CD1D: variants seen among roughly 807,000 people sequenced by gnomAD.
CD1D encodes CD1d molecule.
Under a neutral mutation model 42.1 loss-of-function variants are expected in CD1D, and 40 were observed. The observed-to-expected ratio is 0.95, with a 90% CI of 0.74 to 1.24. The LOEUF (loss-of-function observed/expected upper bound fraction) is 1.24. CD1D is among the 50% of genes most tolerant of loss of function. CD1D has a pLI of 0.00. For synonymous variants in CD1D, 178 were observed against 171.8 expected (o/e 1.04, Z -0.28); for missense variants, 437 against 416.5 (o/e 1.05, Z -0.43).
At position 158,181,129 on chromosome 1, in the gene CD1D, T is replaced by TG; in HGVS notation, c.31dup (p.Ala11GlyfsTer10). The TG allele has an allele frequency of 6.5e-7, 1 of 1,548,998 alleles. No individual in the cohort carries two copies. The highest frequency in any genetic ancestry group is 8.7e-7 in the Non-Finnish European group (1 of 1,146,570). On this transcript the variant is annotated frameshift_variant, in exon 1 of 6. Coordinates refer to ENST00000674085, the MANE Select transcript of CD1D (RefSeq NM_001371762.2). LOFTEE classifies it high-confidence loss of function. ...GGGGTGCCTGCTGTTTCTGCTGCTC[T>TG]GGGCGCTCCTCCAGGCTTGGGGAAG... is the stretch of plus-strand genomic sequence containing the variant.
In CD1D at chr1:158,181,137, C is replaced by T. The variant is rs775704462; in HGVS notation, c.36C>T (p.Leu12=). 4.1e-5 allele frequency: 63 copies of T among 1,549,074 alleles called. No homozygotes were observed. Among genetic ancestry groups the T allele is most frequent in the Admixed American group, 9.8e-5 (5 of 50,846 alleles). Residue 12 remains leucine (L), a synonymous_variant, in exon 1 of 6, where the codon CTC becomes CTT. Transcript: ENST00000674085. The part of the protein sequence containing the change: ...GCLLFLLLWA[L]LQAWGSAEVP... ...TGCTGTTTCTGCTGCTCTGGGCGCTCCTCCAGGCTTGGGGAAGCGCTGAAG... is the reference window on the plus strand; with the variant it reads ...TGCTGTTTCTGCTGCTCTGGGCGCTTCTCCAGGCTTGGGGAAGCGCTGAAG...
chr1:158,185,344 C>T lies in CD1D; in HGVS notation c.*1194C>T, dbSNP rs1229217517. 1.3e-5 allele frequency among the ~76,000 whole-genome samples: 2 copies of T among 152,150 alleles called. No homozygotes were observed. The highest frequency in any genetic ancestry group is 2.9e-5 in the Non-Finnish European group (2 of 68,028). ...CTTGAGAAAAGTAACATTTCACACT[C>T]TCTATACTAGACTTGCACATATGAA... is the stretch of plus-strand genomic sequence containing the variant. On this transcript the variant is annotated 3_prime_UTR_variant, in exon 6 of 6. Coordinates refer to ENST00000674085, the MANE Select transcript of CD1D (RefSeq NM_001371762.2).
intron 3 of CD1D, 54 bp downstream of exon 3, chr1:158,182,364 T>A: frequency 6.3e-7 from 1 of 1,598,836 alleles, no homozygotes; most frequent in Non-Finnish European, 8.6e-7. Context: ...CAAACGGGCT[T>A]TTCCATTCCA....
intron 4 of CD1D, 106 bp downstream of exon 4, chr1:158,183,262 T>G: frequency 1.5e-6 from 2 of 1,345,444 alleles, no homozygotes; most frequent in Non-Finnish European, 2.0e-6. Context: ...TTAGAGGAGT[T>G]TCAGAGATGA....
chr1:158,181,538 T>G lies in CD1D; in HGVS notation c.145T>G (p.Trp49Gly). 1 of 1,613,960 alleles carries G rather than the reference T, an allele frequency of 6.2e-7. No individual in the cohort carries two copies. The highest frequency in any genetic ancestry group is 1.1e-5 in the South Asian group (1 of 91,068). ...CTGGACGCGCACCGACGGCTTGGCG[T>G]GGCTGGGGGAGCTGCAGACGCACAG... ...SSWTRTDGLA[W>G]LGELQTHSWS... Residue 49 changes from tryptophan (W) to glycine (G), a missense_variant, in exon 2 of 6, where the codon TGG becomes GGG. Coordinates refer to ENST00000674085, the MANE Select transcript of CD1D (RefSeq NM_001371762.2).
At chr1:158,182,414 C>G in intron 3 of CD1D, 104 bp downstream of exon 3, 1 of 1,304,764 alleles carries the variant, frequency 7.7e-7, no homozygotes, top group Non-Finnish European at 1.1e-6. Flanking sequence ...AGAGGAAGGC[C>G]CAGGAGGGGC....
chr1:158,181,806 T>C (rs1208874858), intron 2 of CD1D, 85 bp downstream of exon 2: 7 of 1,523,324 alleles, frequency 4.6e-6, no homozygotes, highest in Non-Finnish European at 6.3e-6. Context: ...TGGCACCACC[T>C]GATGAGATTC....
At position 158,182,237 on chromosome 1, in the gene CD1D, G is replaced by C. The variant is rs754401833; in HGVS notation, c.534G>C (p.Trp178Cys). The C allele has an allele frequency of 6.2e-7, 1 of 1,614,158 alleles. No individual in the cohort carries two copies. The highest frequency in any genetic ancestry group is 8.5e-7 in the Non-Finnish European group (1 of 1,180,004). Residue 178 changes from tryptophan (W) to cysteine (C), a missense_variant, in exon 3 of 6, where the codon TGG (tryptophan) becomes TGC (cysteine). Trp to Cys is a radical substitution (Grantham distance 215). Coordinates refer to ENST00000674085, the MANE Select transcript of CD1D (RefSeq NM_001371762.2). ...AGTGGACGAGGGAAACAGTGCAGTG[G>C]CTCCTTAATGGCACCTGCCCCCAAT... ...QDKWTRETVQ[W>C]LLNGTCPQFV...
chr1:158,180,910 A>T lies in CD1D; in HGVS notation c.-192A>T. 2.1e-6 allele frequency: 1 copy of T among 485,638 alleles called. No homozygotes were observed. The highest frequency in any genetic ancestry group is 3.6e-6 in the Non-Finnish European group (1 of 277,538). The allele number at this position is 485,638 out of a possible 1,614,324, so 30.1% of individuals were successfully genotyped here. On this transcript the variant is annotated 5_prime_UTR_variant, in exon 1 of 6. Transcript: ENST00000674085. ...CGACCTCTTTGCAGCTCGCACAGCTAAGGGCGAGGGCGCCCTTCGGCAGAA... is the reference window on the plus strand; with the variant it reads ...CGACCTCTTTGCAGCTCGCACAGCTTAGGGCGAGGGCGCCCTTCGGCAGAA...
chr1:158,182,198 G>A lies in CD1D; in HGVS notation c.495G>A (p.Val165=), dbSNP rs1393294170. Residue 165 remains valine, a synonymous_variant, in exon 3 of 6, where the codon GTG becomes GTA. Transcript: ENST00000674085. ...APLWVNLAIQ[V]LNQDKWTRET... is the part of the protein sequence containing the mutation. ...TTTGGGTAAACTTGGCCATTCAAGT[G>A]CTCAACCAGGACAAGTGGACGAGGG... 6.2e-7 allele frequency: 1 copy of A among 1,614,202 alleles called. No individual in the cohort carries two copies. Among genetic ancestry groups the A allele is most frequent in the Admixed American group, 1.7e-5 (1 of 60,034 alleles).
At chr1:158,178,487 A>G (rs984356191), upstream of CD1D, among the ~76,000 whole-genome samples, 4 of 152,234 alleles carry the variant, frequency 2.6e-5, no homozygotes, top group African/African-American at 9.6e-5. Context: ...TGAAGAAAGC[A>G]TATAAGATTC....
chr1:158,184,255 A>G lies in CD1D; in HGVS notation c.*105A>G, dbSNP rs550628002. On this transcript the variant is annotated 3_prime_UTR_variant, in exon 6 of 6. Coordinates refer to ENST00000674085, the MANE Select transcript of CD1D (RefSeq NM_001371762.2). ...AGGAATTGAAGATGTAAGGAATTGA[A>G]GATAGGAGAGATACCTTGAAAAAGT... 6.3e-6 allele frequency: 7 copies of G among 1,111,750 alleles called. No individual in the cohort carries two copies. Among genetic ancestry groups the G allele is most frequent in the Non-Finnish European group, 9.4e-6 (7 of 742,466 alleles). The allele number at this position is 1,111,750 out of a possible 1,614,324, so 68.9% of individuals were successfully genotyped here.
In CD1D at chr1:158,183,062, A is replaced by C. The variant is rs199831046; in HGVS notation, c.792A>C (p.Arg264=). Residue 264 remains arginine (R), a synonymous_variant, in exon 4 of 6, where the codon CGA becomes CGC. Coordinates refer to ENST00000674085, the MANE Select transcript of CD1D (RefSeq NM_001371762.2). ...LPNADETWYL[R]ATLDVVAGEA... ...ATGCTGACGAGACATGGTATCTCCG[A>C]GCAACCCTGGATGTGGTGGCTGGGG... 20 of 1,614,020 alleles carry C rather than the reference A, an allele frequency of 1.2e-5. No individual in the cohort carries two copies. Among genetic ancestry groups the C allele is most frequent in the Non-Finnish European group, 1.6e-5 (19 of 1,180,014 alleles).
In CD1D at chr1:158,183,985, C is replaced by T. The variant is rs1648585770; in HGVS notation, c.936C>T (p.Cys312=). The change falls in exon 5 of 6, where the codon TGC becomes TGT. Residue 312 remains cysteine, a synonymous_variant. Transcript: ENST00000674085. ...MGLIALAVLA[C]LLFLLIVGFT... is the part of the protein sequence containing the mutation. The stretch of plus-strand genomic sequence containing the variant: ...TGATTGCCTTGGCAGTCCTGGCGTG[C>T]TTGCTGTTCCTCCTCATTGTGGGCT... The T allele has an allele frequency of 6.2e-7, 1 of 1,614,234 alleles. No individual in the cohort carries two copies. Among genetic ancestry groups the T allele is most frequent in the South Asian group, 1.1e-5 (1 of 91,092 alleles).
rs1270733722 is a variant in CD1D, at chr1:158,185,275, C to T, written c.*1125C>T. On this transcript the variant is annotated 3_prime_UTR_variant, in exon 6 of 6. Coordinates refer to ENST00000674085, the MANE Select transcript of CD1D (RefSeq NM_001371762.2). ...TCTCTTGGCAGTCAGGGTCCCTGAA[C>T]ACCCAGAAAAAATAAGTGAGACTTA... Among the ~76,000 whole-genome samples, 2 of 152,186 alleles carry T rather than the reference C, an allele frequency of 1.3e-5. No individual in the cohort carries two copies. Among genetic ancestry groups the T allele is most frequent in the African/African-American group, 4.8e-5 (2 of 41,458 alleles).
At chr1:158,180,088 A>C (rs1329834121), upstream of CD1D, 3 of 152,220 alleles carry the variant, frequency 2.0e-5, no homozygotes, top group Admixed American at 2.0e-4. Flanking sequence ...AGATTGGATA[A>C]AAAGAGTGAG....
At chr1:158,178,588 A>G (rs1247412765), upstream of CD1D, among the ~76,000 whole-genome samples, 1 of 152,164 alleles carries the variant, frequency 6.6e-6, no homozygotes, top group East Asian at 1.9e-4. Context: ...CAGCCTCTCA[A>G]AATTGAGAGG....
At position 158,182,126 on chromosome 1, in the gene CD1D, C is replaced by G; in HGVS notation, c.423C>G (p.Ile141Met). ...FFHVAFQGKDILSFQGTSWEP... is the reference protein window; with the variant it reads ...FFHVAFQGKDMLSFQGTSWEP... ...ATGTAGCATTTCAAGGAAAAGATATCCTGAGTTTCCAAGGAACTTCTTGGG... is the reference window on the plus strand; with the variant it reads ...ATGTAGCATTTCAAGGAAAAGATATGCTGAGTTTCCAAGGAACTTCTTGGG... Residue 141 changes from isoleucine to methionine, a missense_variant, in exon 3 of 6, where the codon ATC (isoleucine) becomes ATG (methionine). Transcript: ENST00000674085. 1 of 1,614,164 alleles carries G rather than the reference C, an allele frequency of 6.2e-7. No individual in the cohort carries two copies. Among genetic ancestry groups the G allele is most frequent in the South Asian group, 1.1e-5 (1 of 91,086 alleles).
chr1:158,181,680 C>T lies in CD1D; in HGVS notation c.287C>T (p.Thr96Ile). ...TTTCGGGTTTATCGAAGCAGCTTCACCAGGGACGTGAAGGAATTCGCCAAA... is the reference window on the plus strand; with the variant it reads ...TTTCGGGTTTATCGAAGCAGCTTCATCAGGGACGTGAAGGAATTCGCCAAA... ...HIFRVYRSSFTRDVKEFAKML... is the reference protein window; with the variant it reads ...HIFRVYRSSFIRDVKEFAKML... Residue 96 changes from threonine (T) to isoleucine (I), a missense_variant, in exon 2 of 6, where the codon ACC becomes ATC. Thr to Ile is a moderately conservative substitution (Grantham distance 89). Transcript: ENST00000674085. The T allele has an allele frequency of 6.2e-7, 1 of 1,613,120 alleles. No homozygotes were observed. Among genetic ancestry groups the T allele is most frequent in the Non-Finnish European group, 8.5e-7 (1 of 1,180,018 alleles).
Sources: allele counts gnomAD v4.1 joint callset (sites outside exome capture counted in the v4.1 genomes callset), GRCh38; gene constraint gnomAD v4.1.1; transcripts MANE v1.5; gene names NCBI Gene and HGNC (gene_info 2026-07-23, HGNC 2026-07-21).